Variants in ZBTB16 observed in about 807,000 individuals in gnomAD.
ZBTB16 encodes zinc finger and BTB domain containing 16, also known as zinc finger and BTB domain-containing protein 16.
ZBTB16 carries 8 observed loss-of-function variants against 56.8 expected under a neutral mutation model. That is an observed-to-expected ratio of 0.14 (90% CI 0.08 to 0.25). The LOEUF (loss-of-function observed/expected upper bound fraction) is 0.25. Ranked by LOEUF, ZBTB16 falls within the 10% of genes least tolerant of loss-of-function variation. ZBTB16 has a pLI of 1.00. For missense variants in ZBTB16, 625 were observed against 903.0 expected, an observed-to-expected ratio of 0.69 and a Z score of 3.95; for synonymous variants, 363 against 368.5, an observed-to-expected ratio of 0.98 and a Z score of 0.17.
At chr11:114,140,377 A>C (rs1941914607) in intron 2 of ZBTB16, among the ~76,000 whole-genome samples, 1 of 152,124 alleles carries the variant, frequency 6.6e-6, no homozygotes, top group Non-Finnish European at 1.5e-5. Context: ...TTCCCTCTTC[A>C]ACTAAAGCTT....
intron 2 of ZBTB16, among the ~76,000 whole-genome samples, chr11:114,119,904 G>A (rs189990563): frequency 1.2e-4 from 19 of 152,276 alleles, no homozygotes; most frequent in Admixed American, 1.2e-3. Context: ...TCCATGGCAC[G>A]CTGCCTCCTT....
rs1454438408 is a variant in ZBTB16 at position 114,206,260 on chromosome 11, G to A, written c.1453+19222G>A. ...GAATTCTAAAATCTGTAGACTCCTA[G>A]ACTGCAGAACTGTTGCAAGGGGCTT... On this transcript the variant is annotated intron_variant, in intron 4 of 6. Coordinates refer to ENST00000335953, the MANE Select transcript of ZBTB16 (RefSeq NM_006006.6). Among the ~76,000 whole-genome samples, 4 of 152,204 alleles carry A rather than the reference G, an allele frequency of 2.6e-5. No individual in the cohort carries two copies. The East Asian group carries it at 7.7e-4, about 29-fold the overall frequency.
At chr11:114,190,758 CAT>C (rs879393184) in intron 4 of ZBTB16, among the ~76,000 whole-genome samples, 8,055 of 111,578 alleles carry the variant, frequency 0.072, 289 homozygotes, top group African/African-American at 0.13. Context: ...CACACACACA[CAT>C]ATATATACAC....
At chr11:114,177,382 C>G (rs1199202444) in intron 3 of ZBTB16, among the ~76,000 whole-genome samples, 2 of 152,156 alleles carry the variant, frequency 1.3e-5, no homozygotes, top group African/African-American at 4.8e-5. Context: ...TCCCGAGTAG[C>G]TGGGATTACA....
intron 4 of ZBTB16, among the ~76,000 whole-genome samples, chr11:114,235,777 C>G (rs758934982): frequency 1.8e-5 from 2 of 109,920 alleles, no homozygotes; most frequent in Admixed American, 9.1e-5. Flanking sequence ...TCGTTCCTTC[C>G]TTCCTTCCTT....
chr11:114,242,287 G>T lies in ZBTB16; in HGVS notation c.1574G>T (p.Arg525Leu), dbSNP rs762592730. 2.5e-6 allele frequency: 4 copies of T among 1,613,932 alleles called. No individual in the cohort carries two copies. The highest frequency in any genetic ancestry group is 2.2e-5 in the East Asian group (1 of 44,870). ...VRSYICSECN[R>L]TFPSHTALKR... ...AGCTACATCTGCAGTGAGTGCAACC[G>T]CACCTTCCCCAGCCACACGGCTCTC... Residue 525 changes from arginine (R) to leucine (L), a missense_variant, in exon 5 of 7, where the codon CGC becomes CTC. Arg to Leu is a moderately radical substitution (Grantham distance 102, BLOSUM62 -2). Coordinates refer to ENST00000335953, the MANE Select transcript of ZBTB16 (RefSeq NM_006006.6).
At chr11:114,175,640 T>A (rs1943090550) in intron 3 of ZBTB16, among the ~76,000 whole-genome samples, 1 of 152,040 alleles carries the variant, frequency 6.6e-6, no homozygotes, top group Admixed American at 6.5e-5. Context: ...TTATCAATAT[T>A]GAGATGCCAA....
intron 6 of ZBTB16, among the ~76,000 whole-genome samples, chr11:114,249,229 C>T (rs897929432): frequency 4.6e-5 from 7 of 151,900 alleles, no homozygotes; most frequent in Admixed American, 2.0e-4. Context: ...GAGGCCGAGG[C>T]AGGCAGATCA....
chr11:114,199,376 T>A (rs1436801109), intron 4 of ZBTB16, among the ~76,000 whole-genome samples: 1 of 142,344 alleles, frequency 7.0e-6, no homozygotes, highest in East Asian at 2.2e-4. Flanking sequence ...TGGACATGGA[T>A]GCCGCTGGGC....
Position 114,143,663 on chromosome 11 carries a change from G to A in ZBTB16, c.1269-12674G>A, listed in dbSNP as rs1023384230. ...AGTGTATTGTAAGAGTGGGGCCAAC[G>A]TCCTTGTGCATTGAGGCTCCAGCCT... On this transcript the variant is annotated intron_variant, in intron 2 of 6. Transcript: ENST00000335953. This position sits in a 1 kb window ranked among gnomAD's most constrained non-coding sequence, Gnocchi z 6.4. 3.9e-5 allele frequency among the ~76,000 whole-genome samples: 6 copies of A among 152,268 alleles called. No individual in the cohort carries two copies. Among genetic ancestry groups the A allele is most frequent in the South Asian group, 2.1e-4 (1 of 4,820 alleles).
At chr11:114,202,276 A>G (rs1368485956) in intron 4 of ZBTB16, among the ~76,000 whole-genome samples, 2 of 152,224 alleles carry the variant, frequency 1.3e-5, no homozygotes, top group Non-Finnish European at 2.9e-5. Flanking sequence ...GTGACTCCCC[A>G]TATGGGAGAC....
rs3057730 is a variant in ZBTB16 at position 114,166,201 on chromosome 11, C to CGTGTGTGT, written c.1366+9806_1366+9813dup. On this transcript the variant is annotated intron_variant, in intron 3 of 6. Coordinates refer to ENST00000335953, the MANE Select transcript of ZBTB16 (RefSeq NM_006006.6). ...TATCGTGGGGCAGAGGACTGGTCTA[C>CGTGTGTGT]GTGTGTGTGTGTGTGTGTGTGTGTG... 3.0e-3 allele frequency among the ~76,000 whole-genome samples: 402 copies of CGTGTGTGT among 134,148 alleles called. 3 individuals carry two copies. The highest frequency in any genetic ancestry group is 0.01 in the African/African-American group (366 of 35,138). The allele number at this position is 134,148 out of a possible 152,430, so 88.0% of individuals were successfully genotyped here.
intron 2 of ZBTB16, among the ~76,000 whole-genome samples, chr11:114,148,336 GCTTC>G (rs1202157247): frequency 0.055 from 2,889 of 52,378 alleles, 61 homozygotes; most frequent in South Asian, 0.093. Flanking sequence ...TGGCTGGCTG[GCTTC>G]CTTCCTTCCT....
chr11:114,201,117 C>T (rs148337690), intron 4 of ZBTB16, among the ~76,000 whole-genome samples: 12 of 152,266 alleles, frequency 7.9e-5, no homozygotes, highest in African/African-American at 2.2e-4. Flanking sequence ...AATCTCAATC[C>T]GACTCACTTA....
chr11:114,159,703 G>A (rs1161796433), intron 3 of ZBTB16, among the ~76,000 whole-genome samples: 1 of 152,252 alleles, frequency 6.6e-6, no homozygotes, highest in East Asian at 1.9e-4. Flanking sequence ...TCCAGTAGTG[G>A]TTTACATGTT....
chr11:114,249,938 C>T (rs1022151334), intron 6 of ZBTB16, among the ~76,000 whole-genome samples: 2 of 152,010 alleles, frequency 1.3e-5, no homozygotes, highest in Non-Finnish European at 2.9e-5. Context: ...GCTTGAAGAG[C>T]CATTCCTGAG....
chr11:114,094,792 G>T (rs1042967580), intron 2 of ZBTB16, among the ~76,000 whole-genome samples: 1 of 152,256 alleles, frequency 6.6e-6, no homozygotes, highest in Non-Finnish European at 1.5e-5. Flanking sequence ...GGCCCAAGGG[G>T]CTTCCATGGT....
chr11:114,200,001 A>G (rs904862802), intron 4 of ZBTB16, among the ~76,000 whole-genome samples: 1 of 151,890 alleles, frequency 6.6e-6, no homozygotes, highest in Non-Finnish European at 1.5e-5. Flanking sequence ...GGTGGCGGGC[A>G]CCTGTAGTCC....
intron 2 of ZBTB16, among the ~76,000 whole-genome samples, chr11:114,148,387 TCCTCCTTCCCTC>T (rs1156770738): frequency 6.9e-5 from 6 of 87,156 alleles, no homozygotes; most frequent in African/African-American, 3.3e-4. Flanking sequence ...CTTCCTTCCT[TCCTCCTTCCCTC>T]CCTCCCTCCC....
Sources: gnomAD v4.1 joint callset for allele counts (sites outside exome capture counted in the v4.1 genomes callset) on GRCh38, gnomAD v4.1.1 for gene constraint, Gnocchi (gnomAD v3.1) non-coding constraint, MANE v1.5 for transcripts, NCBI Gene and HGNC (gene_info 2026-07-23, HGNC 2026-07-21) for gene names.